Variants in RUNX1 observed in about 807,000 individuals in gnomAD.
The protein encoded by RUNX1 is runt-related transcription factor 1.
Under a neutral mutation model 42.8 loss-of-function variants are expected in RUNX1, and 19 were observed. The observed-to-expected ratio is 0.44, with a 90% CI of 0.31 to 0.65. RUNX1 has a LOEUF of 0.65. Ranked by LOEUF, RUNX1 falls within the 30% of genes least tolerant of loss-of-function variation. The probability of loss-of-function intolerance (pLI) is 0.07; values close to 1 mark genes in which losing one functional copy is unlikely to be tolerated. For missense variants in RUNX1, 528 were observed against 672.0 expected (o/e 0.79, Z 2.37); for synonymous variants, 271 against 289.4 (o/e 0.94, Z 0.64).
chr21:35,044,495 T>C (rs906288006), intron 2 of RUNX1, among the ~76,000 whole-genome samples: 6 of 152,246 alleles, frequency 3.9e-5, no homozygotes, highest in African/African-American at 9.6e-5. Flanking sequence ...ACAGGTACTA[T>C]TGCAATCCTT....
intron 2 of RUNX1, among the ~76,000 whole-genome samples, chr21:35,014,123 T>A (rs893004819): frequency 2.0e-5 from 3 of 152,210 alleles, no homozygotes; most frequent in Non-Finnish European, 4.4e-5. Context: ...GTTGCTCCAA[T>A]GAACTTTTGA....
intron 7 of RUNX1, among the ~76,000 whole-genome samples, chr21:34,822,564 C>T (rs148344601): frequency 3.9e-5 from 6 of 152,252 alleles, no homozygotes; most frequent in Admixed American, 2.6e-4. Context: ...CCTTGTTGGA[C>T]GACCAACAGA....
intron 2 of RUNX1, among the ~76,000 whole-genome samples, chr21:34,924,374 G>A (rs1048289129): frequency 6.6e-6 from 1 of 152,172 alleles, no homozygotes; most frequent in Non-Finnish European, 1.5e-5. Context: ...AGGTGTAGAG[G>A]TGGCACAGGG....
At chr21:35,003,469 T>TA (rs2059061158) in intron 2 of RUNX1, among the ~76,000 whole-genome samples, 1 of 151,956 alleles carries the variant, frequency 6.6e-6, no homozygotes, top group Non-Finnish European at 1.5e-5. Context: ...ATACTTAACT[T>TA]ATGATTTTTA....
At position 34,812,669 on chromosome 21, in the gene RUNX1, A is replaced by G. The variant is rs2145960251; in HGVS notation, c.806-13207T>C. Among the ~76,000 whole-genome samples, 3 of 152,348 alleles carry G rather than the reference A, an allele frequency of 2.0e-5. No individual in the cohort carries two copies. The South Asian group carries it at 6.2e-4, about 32-fold the overall frequency. ...GATCCACAGCTTCGTTTATTGACTT[A>G]GAGAAAGTAAATGGCATTTCAAATA... is the stretch of plus-strand genomic sequence containing the variant. On this transcript the variant is annotated intron_variant, in intron 7 of 8. Coordinates refer to ENST00000675419, the MANE Select transcript of RUNX1 (RefSeq NM_001754.5).
chr21:34,915,429 C>T (rs184348776), intron 2 of RUNX1, among the ~76,000 whole-genome samples: 12 of 152,274 alleles, frequency 7.9e-5, no homozygotes, highest in Non-Finnish European at 1.3e-4. Flanking sequence ...CTTGACATTC[C>T]TCTGGTAACT....
chr21:34,928,887 C>A (rs2058417540), intron 2 of RUNX1, among the ~76,000 whole-genome samples: 1 of 150,078 alleles, frequency 6.7e-6, no homozygotes, highest in Non-Finnish European at 1.5e-5. Context: ...ACAGTCTCCA[C>A]ACAATGCAGT....
intron 2 of RUNX1, among the ~76,000 whole-genome samples, chr21:34,990,953 T>C (rs535387322): frequency 2.0e-5 from 3 of 152,216 alleles, no homozygotes; most frequent in East Asian, 1.9e-4. Context: ...AACTTTTTCA[T>C]AGAAACATCT....
chr21:34,871,642 G>A (rs1460807222), intron 5 of RUNX1, among the ~76,000 whole-genome samples: 2 of 152,126 alleles, frequency 1.3e-5, no homozygotes, highest in Non-Finnish European at 2.9e-5. Context: ...GGGGCAGGTG[G>A]GATAAAGCTC....
At chr21:34,815,650 A>G (rs1225057239) in intron 7 of RUNX1, among the ~76,000 whole-genome samples, 1 of 152,242 alleles carries the variant, frequency 6.6e-6, no homozygotes, top group African/African-American at 2.4e-5. Context: ...ACATCTGCAC[A>G]CCAAGGAAGG....
At chr21:34,876,484 A>AT (rs1455530134) in intron 5 of RUNX1, among the ~76,000 whole-genome samples, 2 of 152,216 alleles carry the variant, frequency 1.3e-5, no homozygotes, top group African/African-American at 4.8e-5. Flanking sequence ...GGGTCTGTGG[A>AT]TCCCCAGAAG....
chr21:34,888,610 C>T, intron 3 of RUNX1: 2 of 1,057,624 alleles, frequency 1.9e-6, no homozygotes, highest in Non-Finnish European at 2.3e-6. Flanking sequence ...AAGTGCCTGG[C>T]GGCGCAGGGC....
intron 8 of RUNX1, among the ~76,000 whole-genome samples, chr21:34,795,478 G>C (rs906377692): frequency 6.6e-6 from 1 of 152,164 alleles, no homozygotes; most frequent in Non-Finnish European, 1.5e-5. Context: ...CTCATCAGAG[G>C]TAATTAAAGT....
intron 2 of RUNX1, among the ~76,000 whole-genome samples, chr21:34,994,988 A>C (rs1250463807): frequency 1.3e-5 from 2 of 152,236 alleles, no homozygotes; most frequent in Admixed American, 1.3e-4. Flanking sequence ...AGGCCCGTGA[A>C]CAGGGTGGCA....
Position 34,911,162 on chromosome 21 carries a change from C to T in RUNX1, c.59-18199G>A, listed in dbSNP as rs376665041. Among the ~76,000 whole-genome samples the T allele has an allele frequency of 5.3e-5, 8 of 152,292 alleles. No homozygotes were observed. The East Asian group carries it at 1.5e-3, about 29-fold the overall frequency. On this transcript the variant is annotated intron_variant, in intron 2 of 8. Transcript: ENST00000675419. Reference sequence around the variant, plus strand: ...GCTATCCCATTAGGTGGGAAGGGGTCTCTTCCTGATATGCATCATACAGCT... The same window carrying T: ...GCTATCCCATTAGGTGGGAAGGGGTTTCTTCCTGATATGCATCATACAGCT...
At chr21:34,851,920 A>G (rs2057424342) in intron 6 of RUNX1, among the ~76,000 whole-genome samples, 1 of 152,194 alleles carries the variant, frequency 6.6e-6, no homozygotes, top group Non-Finnish European at 1.5e-5. Flanking sequence ...TAATCCCAGC[A>G]CTTTGGGAGG....
intron 4 of RUNX1, among the ~76,000 whole-genome samples, chr21:34,882,616 G>A (rs1026039071): frequency 9.2e-5 from 14 of 151,512 alleles, no homozygotes; most frequent in Non-Finnish European, 1.9e-4. Flanking sequence ...GCAGTGATAC[G>A]ACAATTCCCT....
chr21:35,048,753 G>A, intron 2 of RUNX1, 89 bp downstream of exon 2: 3 of 1,065,980 alleles, frequency 2.8e-6, no homozygotes, highest in Non-Finnish European at 4.4e-6. Flanking sequence ...AGGCACCGAG[G>A]CATCTCTGCA....
At chr21:34,861,544 A>C (rs1256073692) in intron 5 of RUNX1, among the ~76,000 whole-genome samples, 1 of 152,200 alleles carries the variant, frequency 6.6e-6, no homozygotes, top group Non-Finnish European at 1.5e-5. Context: ...ACTGAACTCC[A>C]GAACCTGCTT....
Sources: gnomAD v4.1 joint callset for allele counts (sites outside exome capture counted in the v4.1 genomes callset) on GRCh38, gnomAD v4.1.1 for gene constraint, MANE v1.5 for transcripts, NCBI Gene and HGNC (gene_info 2026-07-23, HGNC 2026-07-21) for gene names.